Variants in ATR observed in about 807,000 individuals in gnomAD.
The protein encoded by ATR is serine/threonine-protein kinase ATR.
In ATR, 142 loss-of-function variants were observed where a neutral mutation model predicts 305.3. The ratio of observed to expected loss-of-function variants is 0.47; its 90% CI spans 0.41 to 0.53. The LOEUF (loss-of-function observed/expected upper bound fraction) is 0.53, where lower values mean the gene tolerates loss of function less well. ATR is among the 20% of genes least tolerant of loss of function. The probability of loss-of-function intolerance (pLI) is 0.00; values close to 1 mark genes in which losing one functional copy is unlikely to be tolerated. For missense variants in ATR, 2,135 were observed against 3,133.1 expected, an observed-to-expected ratio of 0.68 and a Z score of 7.60; for synonymous variants, 1,050 against 1,068.1, an observed-to-expected ratio of 0.98 and a Z score of 0.33.
intron 36 of ATR, among the ~76,000 whole-genome samples, chr3:142,479,953 T>C (rs2030296462): frequency 6.6e-6 from 1 of 152,210 alleles, no homozygotes; most frequent in African/African-American, 2.4e-5. Context: ...CCTTTAAGGA[T>C]TTCTCTGCAT....
intron 9 of ATR, 26 bp downstream of exon 9, chr3:142,556,357 A>G: frequency 1.3e-6 from 2 of 1,593,132 alleles, no homozygotes; most frequent in Non-Finnish European, 1.7e-6. Flanking sequence ...AGAGTGATAT[A>G]TTCAAATTAA....
intron 2 of ATR, 108 bp downstream of exon 2, chr3:142,567,955 T>C: frequency 1.1e-6 from 1 of 910,754 alleles, no homozygotes; most frequent in South Asian, 1.8e-5. Flanking sequence ...GTAACTATCA[T>C]AAATACTCCA....
At chr3:142,558,865 A>G in intron 7 of ATR, 89 bp from the exon 8 acceptor site, 2 of 1,304,944 alleles carry the variant, frequency 1.5e-6, no homozygotes, top group African/African-American at 3.0e-5. Flanking sequence ...AAATACTATC[A>G]TAATGATCAT....
At chr3:142,506,647 A>G (rs2032253929) in intron 28 of ATR, among the ~76,000 whole-genome samples, 1 of 152,208 alleles carries the variant, frequency 6.6e-6, no homozygotes, top group Non-Finnish European at 1.5e-5. Flanking sequence ...AGCTCGTGCC[A>G]CTGTACTCCA....
At chr3:142,542,107 A>G (rs1669649333) in intron 17 of ATR, among the ~76,000 whole-genome samples, 1 of 152,196 alleles carries the variant, frequency 6.6e-6, no homozygotes, top group African/African-American at 2.4e-5. Context: ...ATTTAAACAT[A>G]AAGTTGCTTT....
chr3:142,478,689 G>A (rs1224881914), intron 36 of ATR, among the ~76,000 whole-genome samples: 5 of 152,124 alleles, frequency 3.3e-5, no homozygotes, highest in Non-Finnish European at 5.9e-5. Context: ...TGACAGTGGG[G>A]TGTTAAAGTC....
At chr3:142,528,975 C>T (rs2033528830) in intron 21 of ATR, among the ~76,000 whole-genome samples, 1 of 144,932 alleles carries the variant, frequency 6.9e-6, no homozygotes, top group Non-Finnish European at 1.5e-5. Context: ...CCTCTGCCTC[C>T]CGGGTTCAAG....
intron 21 of ATR, among the ~76,000 whole-genome samples, chr3:142,527,353 C>T (rs1316265474): frequency 6.6e-6 from 1 of 151,910 alleles, no homozygotes; most frequent in Non-Finnish European, 1.5e-5. Flanking sequence ...TGGTGCTTTC[C>T]TATGGATGAA....
chr3:142,515,405 A>G lies in ATR; in HGVS notation c.4493T>C (p.Leu1498Pro), dbSNP rs1308989114. Residue 1498 changes from leucine (L) to proline (P), a missense_variant, in exon 25 of 47, where the codon CTT (leucine) becomes CCT (proline). Transcript: ENST00000350721. The part of the protein sequence containing the change: ...AEWSASWAGY[L>P]ITKVRHDLAS... ...AACAGGGTTTCTTACCTTTGTAATAAGATAACCTGCCCAAGATGCTGACCA... is the reference window on the plus strand; with the variant it reads ...AACAGGGTTTCTTACCTTTGTAATAGGATAACCTGCCCAAGATGCTGACCA... The G allele has an allele frequency of 1.2e-6, 2 of 1,613,890 alleles. No individual in the cohort carries two copies. The highest frequency in any genetic ancestry group is 1.7e-6 in the Non-Finnish European group (2 of 1,179,900).
chr3:142,458,158 G>T (rs2070947646), intron 44 of ATR, among the ~76,000 whole-genome samples: 1 of 152,092 alleles, frequency 6.6e-6, no homozygotes, highest in African/African-American at 2.4e-5. Context: ...AACAACAGAA[G>T]CAGCCAAGGG....
chr3:142,456,875 G>C (rs1359881031), intron 45 of ATR, among the ~76,000 whole-genome samples: 2 of 152,210 alleles, frequency 1.3e-5, no homozygotes, highest in East Asian at 1.9e-4. Flanking sequence ...TGTTACAACT[G>C]CTTTGGAAAA....
At chr3:142,528,877 ATATTTTT>A (rs1180371343) in intron 21 of ATR, among the ~76,000 whole-genome samples, 174 of 47,672 alleles carry the variant, frequency 3.6e-3, no homozygotes, top group African/African-American at 0.023. Flanking sequence ...ATATATATAT[ATATTTTT>A]TTTTTTTTTT....
At chr3:142,473,752 C>T (rs2071359800) in intron 36 of ATR, among the ~76,000 whole-genome samples, 3 of 151,426 alleles carry the variant, frequency 2.0e-5, no homozygotes, top group Non-Finnish European at 4.4e-5. Context: ...CACCGTGTTG[C>T]CCTGGCTGAT....
In ATR at chr3:142,553,899, C is replaced by T. The variant is rs970577604; in HGVS notation, c.2458G>A (p.Val820Ile). Residue 820 changes from valine (V) to isoleucine (I), a missense_variant, in exon 11 of 47, where the codon GTT becomes ATT. This residue lies in a region of ATR where 530 missense variants were observed against 766.8 expected (regional missense o/e 0.69). Transcript: ENST00000350721. ...ATATTTCCACTAAAAGCCACTCTAACATCTTTGTCTGGATCTTCCATTAAA... is the reference window on the plus strand; with the variant it reads ...ATATTTCCACTAAAAGCCACTCTAATATCTTTGTCTGGATCTTCCATTAAA... ...LNLMEDPDKD[V>I]RVAFSGNIKH... 3 of 1,613,422 alleles carry T rather than the reference C, an allele frequency of 1.9e-6. No individual in the cohort carries two copies. The highest frequency in any genetic ancestry group is 3.3e-5 in the Admixed American group (2 of 60,012).
intron 36 of ATR, among the ~76,000 whole-genome samples, chr3:142,480,779 A>G (rs1415772744): frequency 1.3e-5 from 2 of 152,192 alleles, no homozygotes; most frequent in Non-Finnish European, 2.9e-5. Context: ...CTCAAGCCTC[A>G]GCAATGGCGG....
chr3:142,495,946 G>A (rs2031564693), intron 34 of ATR, among the ~76,000 whole-genome samples: 1 of 151,892 alleles, frequency 6.6e-6, no homozygotes, highest in Admixed American at 6.6e-5. Context: ...AGTCTACAGA[G>A]AGCTAATTAT....
chr3:142,488,110 G>C (rs149305255), intron 35 of ATR, among the ~76,000 whole-genome samples: 12 of 152,242 alleles, frequency 7.9e-5, no homozygotes, highest in African/African-American at 1.7e-4. Context: ...TAGAGGGTGA[G>C]GGGGAGAGTG....
intron 36 of ATR, among the ~76,000 whole-genome samples, chr3:142,472,995 T>C (rs1238306262): frequency 6.6e-6 from 1 of 152,168 alleles, no homozygotes; most frequent in Non-Finnish European, 1.5e-5. Flanking sequence ...ATTTTGGCTA[T>C]TAACCCCCTA....
At chr3:142,561,509 G>C in intron 4 of ATR, 88 bp from the exon 5 acceptor site, 1 of 1,376,618 alleles carries the variant, frequency 7.3e-7, no homozygotes, top group Non-Finnish European at 1.0e-6. Context: ...TTAGATGTTA[G>C]GTGTTTTCTA....
Sources: gnomAD v4.1 joint callset for allele counts (sites outside exome capture counted in the v4.1 genomes callset) on GRCh38, gnomAD v4.1.1 for gene constraint, gnomAD v4.1.1 regional missense constraint, MANE v1.5 for transcripts, NCBI Gene and HGNC (gene_info 2026-07-23, HGNC 2026-07-21) for gene names.